ITSN1: variants seen among roughly 807,000 people sequenced by gnomAD.
ITSN1 encodes the protein intersectin-1.
A neutral mutation model predicts 239.8 loss-of-function variants in ITSN1; 58 were observed. The observed-to-expected ratio is 0.24, with a 90% CI of 0.20 to 0.30. The LOEUF is 0.30. Ranked by LOEUF, ITSN1 falls within the 10% of genes least tolerant of loss-of-function variation. The pLI is 1.00. For synonymous variants in ITSN1, 780 were observed against 770.8 expected (o/e 1.01, Z -0.20); for missense variants, 1,558 against 2,103.3 (o/e 0.74, Z 5.07).
At chr21:33,820,840 T>C (rs1245381096) in intron 24 of ITSN1, among the ~76,000 whole-genome samples, 1 of 151,054 alleles carries the variant, frequency 6.6e-6, no homozygotes, top group Admixed American at 6.7e-5. Flanking sequence ...AAGCAACTTA[T>C]GCACCTCACC....
At chr21:33,777,897 ATAGAG>A (rs762739546) in intron 14 of ITSN1, among the ~76,000 whole-genome samples, 2 of 152,208 alleles carry the variant, frequency 1.3e-5, no homozygotes, top group Non-Finnish European at 2.9e-5. Flanking sequence ...CTCTCTCACC[ATAGAG>A]TATAGTGTTA....
At chr21:33,702,595 A>G (rs1423848531) in intron 1 of ITSN1, among the ~76,000 whole-genome samples, 1 of 152,216 alleles carries the variant, frequency 6.6e-6, no homozygotes, top group Non-Finnish European at 1.5e-5. Context: ...CTTTTTAACT[A>G]TTCAACTTAG....
chr21:33,803,576 CTATA>C (rs1318247141), intron 20 of ITSN1, among the ~76,000 whole-genome samples: 4 of 152,090 alleles, frequency 2.6e-5, no homozygotes, highest in African/African-American at 2.4e-5. Context: ...CGAAATAAAA[CTATA>C]TATGTATTCA....
intron 36 of ITSN1, 92 bp downstream of exon 36, chr21:33,883,763 C>A: frequency 6.8e-7 from 1 of 1,472,188 alleles, no homozygotes; most frequent in South Asian, 1.2e-5. Context: ...CCAATGTTTC[C>A]CAAGTGGCAA....
At chr21:33,764,691 T>G (rs1309071348) in intron 9 of ITSN1, among the ~76,000 whole-genome samples, 1 of 152,352 alleles carries the variant, frequency 6.6e-6, no homozygotes, top group Middle Eastern at 3.4e-3. Context: ...CTAAGGAAAT[T>G]TCAGAATTAA....
chr21:33,821,083 T>C (rs1482283909), intron 24 of ITSN1, among the ~76,000 whole-genome samples: 1 of 152,212 alleles, frequency 6.6e-6, no homozygotes, highest in Non-Finnish European at 1.5e-5. Context: ...GTCTGCTACT[T>C]TTATGTCGTT....
chr21:33,810,876 A>G (rs757922265), intron 20 of ITSN1, 99 bp from the exon 21 acceptor site: 17 of 1,349,918 alleles, frequency 1.3e-5, no homozygotes, highest in African/African-American at 4.3e-5. Flanking sequence ...CCATATGTCA[A>G]TCTAAAGAGG....
At chr21:33,645,349 T>C (rs2087838540) in intron 1 of ITSN1, among the ~76,000 whole-genome samples, 1 of 152,144 alleles carries the variant, frequency 6.6e-6, no homozygotes, top group Admixed American at 6.5e-5. Flanking sequence ...AGGCACTTGT[T>C]AAAAATATAG....
intron 33 of ITSN1, among the ~76,000 whole-genome samples, chr21:33,871,661 A>G (rs1358212969): frequency 6.6e-6 from 1 of 151,850 alleles, no homozygotes. Flanking sequence ...GAATTGCTTA[A>G]ACCCACGAGG....
chr21:33,667,959 T>A (rs2090028169), intron 1 of ITSN1, among the ~76,000 whole-genome samples: 1 of 152,054 alleles, frequency 6.6e-6, no homozygotes, highest in South Asian at 2.1e-4. Context: ...AGAAGACAGA[T>A]AGGGAGCAAG....
intron 29 of ITSN1, among the ~76,000 whole-genome samples, chr21:33,838,862 A>C (rs750515787): frequency 3.0e-4 from 46 of 152,218 alleles, no homozygotes; most frequent in Non-Finnish European, 5.3e-4. Flanking sequence ...ATGTATCGTA[A>C]TGTACTGGTG....
At chr21:33,692,848 G>C (rs1418421379) in intron 1 of ITSN1, among the ~76,000 whole-genome samples, 1 of 151,584 alleles carries the variant, frequency 6.6e-6, no homozygotes, top group Non-Finnish European at 1.5e-5. Context: ...TTGGCTTACT[G>C]CACCCTCTGC....
intron 30 of ITSN1, among the ~76,000 whole-genome samples, chr21:33,857,212 G>A (rs1027509724): frequency 2.6e-5 from 4 of 152,288 alleles, no homozygotes; most frequent in South Asian, 2.1e-4. Flanking sequence ...AGCCAGCCAC[G>A]CCGCCCTCCT....
At chr21:33,752,214 G>A (rs1484469636) in intron 7 of ITSN1, among the ~76,000 whole-genome samples, 2 of 151,514 alleles carry the variant, frequency 1.3e-5, no homozygotes, top group East Asian at 3.9e-4. Flanking sequence ...TAAAATTCTG[G>A]GTATAAGGGA....
chr21:33,759,746 G>A (rs2068162043), intron 8 of ITSN1, among the ~76,000 whole-genome samples: 1 of 152,166 alleles, frequency 6.6e-6, no homozygotes, highest in East Asian at 1.9e-4. Context: ...TTCACCAAAA[G>A]TTAGAATGCT....
rs1050474151 is a variant in ITSN1, at chr21:33,713,818, C to A, written c.-32-4979C>A. 3.7e-4 allele frequency among the ~76,000 whole-genome samples: 55 copies of A among 148,766 alleles called. 1 individual carries two copies. Among genetic ancestry groups the A allele is most frequent in the African/African-American group, 1.3e-3 (51 of 40,592 alleles). On this transcript the variant is annotated intron_variant, in intron 1 of 39. Coordinates refer to ENST00000381318, the MANE Select transcript of ITSN1 (RefSeq NM_003024.3). ...TGGAAGAAAATTACCTGGGAACATT[C>A]CAGCCTCATCTTTTTTTTTTTTTTT...
chr21:33,778,647 C>T (rs1194411832), intron 14 of ITSN1, among the ~76,000 whole-genome samples: 3 of 118,396 alleles, frequency 2.5e-5, no homozygotes, highest in Admixed American at 1.1e-4. Flanking sequence ...GGCGCAATCT[C>T]GGCTCACTGC....
chr21:33,828,630 CTTCT>C (rs1323589310), intron 26 of ITSN1, among the ~76,000 whole-genome samples: 2 of 152,304 alleles, frequency 1.3e-5, no homozygotes, highest in Middle Eastern at 3.4e-3. Flanking sequence ...TTCCCTCTTT[CTTCT>C]TTTTTTTCTG....
chr21:33,886,480 G>C lies in ITSN1; in HGVS notation c.5017+20G>C, dbSNP rs200577300. ...CAGATGGTGAGTGGAACGCGGCCCT[G>C]TGGTTATTCCTCCTTCCCTGGCACT... On this transcript the variant is annotated intron_variant, in intron 39 of 39. Coordinates refer to ENST00000381318, the MANE Select transcript of ITSN1 (RefSeq NM_003024.3). 2 of 1,523,060 alleles carry C rather than the reference G, an allele frequency of 1.3e-6. No homozygotes were observed. The highest frequency in any genetic ancestry group is 4.2e-5 in the Admixed American group (2 of 47,656). 94.3% of individuals were successfully genotyped at this position (1,523,060 alleles called of 1,614,324 possible).
Sources: allele counts gnomAD v4.1 joint callset (sites outside exome capture counted in the v4.1 genomes callset), GRCh38; gene constraint gnomAD v4.1.1; transcripts MANE v1.5; gene names NCBI Gene and HGNC (gene_info 2026-07-23, HGNC 2026-07-21).